Variants in CSRNP2 observed in about 807,000 individuals in gnomAD.
The protein encoded by CSRNP2 is cysteine/serine-rich nuclear protein 2.
A neutral mutation model predicts 36.6 loss-of-function variants in CSRNP2; 11 were observed. The observed-to-expected ratio is 0.30, with a 90% CI of 0.19 to 0.50. The LOEUF is 0.50. CSRNP2 is among the 20% of genes least tolerant of loss of function. The probability of loss-of-function intolerance (pLI) is 0.98; values close to 1 mark genes in which losing one functional copy is unlikely to be tolerated. For missense variants in CSRNP2, 483 were observed against 691.4 expected (o/e 0.70, Z 3.38); for synonymous variants, 248 against 275.3 (o/e 0.90, Z 0.98).
chr12:51,074,416 C>T (rs1354112364), intron 2 of CSRNP2, among the ~76,000 whole-genome samples: 1 of 152,136 alleles, frequency 6.6e-6, no homozygotes, highest in African/African-American at 2.4e-5. Flanking sequence ...CATGCCTGGC[C>T]GAGAGATGCT....
intron 3 of CSRNP2, among the ~76,000 whole-genome samples, chr12:51,070,021 TAG>T (rs765638137): frequency 1.5e-4 from 23 of 148,694 alleles, no homozygotes; most frequent in Non-Finnish European, 3.1e-4. Flanking sequence ...CTGAGATGGA[TAG>T]AGAGCCAAGA....
rs1481853878 is a variant in CSRNP2 at position 51,079,509 on chromosome 12, T to C, written c.-86-2862A>G. On this transcript the variant is annotated intron_variant, in intron 1 of 4. Transcript: ENST00000228515. ...TGGGCACAGTGGCTCATGTCTGTCA[T>C]CCCAGCACTTTGGGAGGCCGAGGCG... 2.6e-5 allele frequency among the ~76,000 whole-genome samples: 4 copies of C among 151,368 alleles called. No homozygotes were observed. The East Asian group carries it at 7.8e-4, about 29-fold the overall frequency.
intron 1 of CSRNP2, among the ~76,000 whole-genome samples, chr12:51,077,062 GA>G: frequency 1.6e-5 from 2 of 122,442 alleles, no homozygotes; most frequent in East Asian, 4.7e-4. Flanking sequence ...AAAAAAAAAG[GA>G]AAAAAAGAAA....
intron 4 of CSRNP2, among the ~76,000 whole-genome samples, chr12:51,066,425 A>G (rs1938310816): frequency 6.7e-6 from 1 of 149,178 alleles, no homozygotes; most frequent in Non-Finnish European, 1.5e-5. Flanking sequence ...ACGGCACTCC[A>G]GCCTGGCAAC....
intron 1 of CSRNP2, among the ~76,000 whole-genome samples, chr12:51,079,817 C>T (rs1439133501): frequency 7.2e-6 from 1 of 139,706 alleles, no homozygotes; most frequent in Admixed American, 7.4e-5. Flanking sequence ...GCTCACGCCT[C>T]TAATCTCAGC....
At chr12:51,073,167 T>C (rs1939256301) in intron 3 of CSRNP2, among the ~76,000 whole-genome samples, 1 of 151,874 alleles carries the variant, frequency 6.6e-6, no homozygotes, top group South Asian at 2.1e-4. Context: ...TGCAATGAGC[T>C]GTGATTGAGC....
intron 2 of CSRNP2, among the ~76,000 whole-genome samples, chr12:51,075,180 C>T (rs1276131238): frequency 3.3e-5 from 5 of 152,114 alleles, no homozygotes; most frequent in Admixed American, 2.6e-4. Context: ...GGCACAATCA[C>T]GGCTCACTGC....
rs146642573 is a variant in CSRNP2 at position 51,081,858 on chromosome 12, A to ACC, written c.-87+1480_-87+1481insGG. ...CAAACAACAACAACAACAAAAAAAA[A>ACC]CAGCATATGTGAGAGCAGCAAGAGG... is the stretch of plus-strand genomic sequence containing the variant. On this transcript the variant is annotated intron_variant, in intron 1 of 4. Transcript: ENST00000228515. Among the ~76,000 whole-genome samples, 9 of 151,678 alleles carry ACC rather than the reference A, an allele frequency of 5.9e-5. No individual in the cohort carries two copies. The East Asian group carries it at 1.2e-3, about 20-fold the overall frequency.
Position 51,063,572 on chromosome 12 carries a change from G to C in CSRNP2, c.*174C>G. The C allele has an allele frequency of 5.5e-6, 3 of 547,870 alleles. No individual in the cohort carries two copies. The highest frequency in any genetic ancestry group is 6.3e-6 in the Non-Finnish European group (2 of 319,988). The allele number at this position is 547,870 out of a possible 1,614,324, so 33.9% of individuals were successfully genotyped here. A position where few individuals can be genotyped will look rare whatever the true frequency, so the allele number is the denominator to read the frequency against. On this transcript the variant is annotated 3_prime_UTR_variant, in exon 5 of 5. Coordinates refer to ENST00000228515, the MANE Select transcript of CSRNP2 (RefSeq NM_030809.3). ...GATCAAGGTAGGGCTGGTCTCCTTGGTACTGTTTCCCTTTTAAAAAATACT... is the reference window on the plus strand; with the variant it reads ...GATCAAGGTAGGGCTGGTCTCCTTGCTACTGTTTCCCTTTTAAAAAATACT...
At chr12:51,071,062 G>C (rs7973541) in intron 3 of CSRNP2, among the ~76,000 whole-genome samples, 134,948 of 152,054 alleles carry the variant, frequency 0.89, 60,187 homozygotes, top group East Asian at 0.98. Flanking sequence ...AGGACTTCGA[G>C]ACTAGCCTGG....
At chr12:51,079,423 G>A (rs1423997450) in intron 1 of CSRNP2, among the ~76,000 whole-genome samples, 7 of 151,842 alleles carry the variant, frequency 4.6e-5, no homozygotes, top group Admixed American at 6.6e-5. Context: ...AGCGGGGAGG[G>A]GGAGCCCCTT....
In CSRNP2 at chr12:51,061,354, T is replaced by G. The variant is rs911519497; in HGVS notation, c.*2392A>C. The G allele has an allele frequency of 5.2e-5, 8 of 152,748 alleles. No individual in the cohort carries two copies. The highest frequency in any genetic ancestry group is 1.9e-4 in the African/African-American group (8 of 41,566). 9.5% of individuals were successfully genotyped at this position (152,748 alleles called of 1,614,324 possible). A position where few individuals can be genotyped will look rare whatever the true frequency, so the allele number is the denominator to read the frequency against. ...TTGAAAATACTACCTGTGTACAGTA[T>G]GTGAGAAAGGAAATTGGAAAATAAT... On this transcript the variant is annotated 3_prime_UTR_variant, in exon 5 of 5. Transcript: ENST00000228515.
chr12:51,067,343 C>G lies in CSRNP2; in HGVS notation c.708+330G>C, dbSNP rs1566176853. Among the ~76,000 whole-genome samples, 1 of 152,032 alleles carries G rather than the reference C, an allele frequency of 6.6e-6. No homozygotes were observed. The highest frequency in any genetic ancestry group is 1.5e-5 in the Non-Finnish European group (1 of 68,004). ...CTAAGAATCCTGTCATGCTTGTTTT[C>G]TTTGCAAAAATTTTAAGAGACAGGG... On this transcript the variant is annotated intron_variant, in intron 4 of 4. Transcript: ENST00000228515. The surrounding 1 kb of genome is among the most constrained non-coding windows in gnomAD (Gnocchi z 4.1).
At position 51,067,897 on chromosome 12, in the gene CSRNP2, T is replaced by C. The variant is rs1051906330; in HGVS notation, c.484A>G (p.Ile162Val). ...TCCACCTCCACATTTTCCACATCAA[T>C]ATCTTCATCTGACACATCATCCAGC... Reference protein sequence around the residue: ...LTLDDVSDEDIDVENVEVDDY... With the variant: ...LTLDDVSDEDVDVENVEVDDY... The change falls in exon 4 of 5, where the codon ATT becomes GTT. Residue 162 changes from isoleucine (I) to valine (V), a missense_variant. By Grantham distance (29) the Ile-to-Val change is conservative (BLOSUM62 3). Transcript: ENST00000228515. This position sits in a 1 kb window ranked among gnomAD's most constrained non-coding sequence, Gnocchi z 4.1. The C allele has an allele frequency of 6.8e-6, 11 of 1,614,046 alleles. No individual in the cohort carries two copies. The highest frequency in any genetic ancestry group is 1.3e-5 in the African/African-American group (1 of 74,904).
At chr12:51,069,287 C>CT (rs71089740) in intron 3 of CSRNP2, among the ~76,000 whole-genome samples, 27,051 of 121,270 alleles carry the variant, frequency 0.22, 4,001 homozygotes, top group East Asian at 0.68. Context: ...CTTCTCCTTT[C>CT]TTTTTTTTTT....
intron 3 of CSRNP2, among the ~76,000 whole-genome samples, chr12:51,073,036 C>T (rs1433125157): frequency 4.6e-5 from 7 of 151,822 alleles, no homozygotes; most frequent in African/African-American, 9.7e-5. Flanking sequence ...ACCTGGGCAA[C>T]GTTGCAAGAT....
At chr12:51,071,686 G>C (rs921661381) in intron 3 of CSRNP2, among the ~76,000 whole-genome samples, 4 of 152,206 alleles carry the variant, frequency 2.6e-5, no homozygotes, top group Non-Finnish European at 5.9e-5. Context: ...TATCTGTCTT[G>C]GGTTTGCCTG....
In CSRNP2 at chr12:51,061,396, A is replaced by G. The variant is rs889549665; in HGVS notation, c.*2350T>C. The stretch of plus-strand genomic sequence containing the variant: ...GAAAATAATAAGGGTTGTGGTAATA[A>G]GAGTCATTTATCTAGGCCTAGACTG... On this transcript the variant is annotated 3_prime_UTR_variant, in exon 5 of 5. Transcript: ENST00000228515. 1 of 152,638 alleles carries G rather than the reference A, an allele frequency of 6.6e-6. No individual in the cohort carries two copies. Among genetic ancestry groups the G allele is most frequent in the Non-Finnish European group, 1.5e-5 (1 of 68,040 alleles). 9.5% of individuals were successfully genotyped at this position (152,638 alleles called of 1,614,324 possible).
chr12:51,074,759 T>A (rs1939323785), intron 2 of CSRNP2, among the ~76,000 whole-genome samples: 1 of 152,154 alleles, frequency 6.6e-6, no homozygotes, highest in African/African-American at 2.4e-5. Flanking sequence ...CTAATTAAAA[T>A]TAAATAAAAT....
Sources: gnomAD v4.1 joint callset for allele counts (sites outside exome capture counted in the v4.1 genomes callset) on GRCh38, gnomAD v4.1.1 for gene constraint, Gnocchi (gnomAD v3.1) non-coding constraint, MANE v1.5 for transcripts, NCBI Gene and HGNC (gene_info 2026-07-23, HGNC 2026-07-21) for gene names.